ADAMTSL1: variants seen among roughly 807,000 people sequenced by gnomAD.
The protein encoded by ADAMTSL1 is ADAMTS-like protein 1.
Under a neutral mutation model 201.8 loss-of-function variants are expected in ADAMTSL1, and 126 were observed. The observed-to-expected ratio is 0.62, with a 90% CI of 0.54 to 0.72. ADAMTSL1 has a LOEUF of 0.72. Ranked by LOEUF, ADAMTSL1 falls within the 30% of genes least tolerant of loss-of-function variation. ADAMTSL1 has a pLI of 0.00. For missense variants in ADAMTSL1, 2,679 were observed against 2,277.8 expected, an observed-to-expected ratio of 1.18 and a Z score of -3.59; for synonymous variants, 1,121 against 903.4, an observed-to-expected ratio of 1.24 and a Z score of -4.32.
chr9:18,713,374 A>G (rs890432347), intron 14 of ADAMTSL1, among the ~76,000 whole-genome samples: 27 of 152,236 alleles, frequency 1.8e-4, no homozygotes, highest in South Asian at 4.1e-4. Flanking sequence ...GCAGAGACAC[A>G]CATAGGCTCA....
chr9:18,758,993 A>T (rs1271339526), intron 16 of ADAMTSL1, among the ~76,000 whole-genome samples: 1 of 152,220 alleles, frequency 6.6e-6, no homozygotes, highest in African/African-American at 2.4e-5. Context: ...AAATTGAAAC[A>T]AGGAATTAAA....
chr9:18,833,508 G>C (rs753845874), intron 23 of ADAMTSL1, among the ~76,000 whole-genome samples: 3 of 152,204 alleles, frequency 2.0e-5, no homozygotes, highest in Admixed American at 6.5e-5. Flanking sequence ...ATCTTCTTTT[G>C]AAAAGCGTAT....
intron 26 of ADAMTSL1, among the ~76,000 whole-genome samples, chr9:18,898,377 A>C (rs1272236608): frequency 6.6e-6 from 1 of 152,244 alleles, no homozygotes; most frequent in African/African-American, 2.4e-5. Flanking sequence ...ATGCAATCAC[A>C]AGTATCAATA....
intron 2 of ADAMTSL1, among the ~76,000 whole-genome samples, chr9:18,206,549 C>T (rs1829655878): frequency 6.6e-6 from 1 of 152,094 alleles, no homozygotes; most frequent in African/African-American, 2.4e-5. Flanking sequence ...GTGTCCCTCT[C>T]ATCTTCACAC....
intron 2 of ADAMTSL1, among the ~76,000 whole-genome samples, chr9:18,260,897 T>A (rs1349108067): frequency 6.6e-6 from 1 of 152,128 alleles, no homozygotes; most frequent in Non-Finnish European, 1.5e-5. Flanking sequence ...GTTAAAACAC[T>A]CTTCTTTTTT....
chr9:18,771,358 T>C (rs1489714390), intron 17 of ADAMTSL1, among the ~76,000 whole-genome samples: 1 of 152,232 alleles, frequency 6.6e-6, no homozygotes, highest in East Asian at 1.9e-4. Context: ...AGTGATTGCT[T>C]CAGCATTCAC....
chr9:18,741,488 A>G (rs1221356381), intron 15 of ADAMTSL1, among the ~76,000 whole-genome samples: 1 of 152,252 alleles, frequency 6.6e-6, no homozygotes, highest in Non-Finnish European at 1.5e-5. Flanking sequence ...TCATGAATAT[A>G]AATGTCCAGA....
At chr9:18,585,344 A>G (rs1055987268) in intron 4 of ADAMTSL1, among the ~76,000 whole-genome samples, 2 of 152,198 alleles carry the variant, frequency 1.3e-5, no homozygotes, top group African/African-American at 4.8e-5. Context: ...TGTTTTCCCA[A>G]AGAGATTCAG....
Position 18,753,322 on chromosome 9 carries a change from A to C in ADAMTSL1, c.2031A>C (p.Pro677=). The stretch of plus-strand genomic sequence containing the variant: ...GGTGGGAAATTGGCAAGTGGAGTCC[A>C]TGTAGTCTCACATGTGGGGTCGGCC... ...PARWEIGKWS[P]CSLTCGVGLQ... Residue 677 remains proline, a synonymous_variant, in exon 16 of 29, where the codon CCA becomes CCC. Coordinates refer to ENST00000380548, the MANE Select transcript of ADAMTSL1 (RefSeq NM_001040272.6). The C allele has an allele frequency of 1.2e-6, 2 of 1,612,120 alleles. No individual in the cohort carries two copies. The highest frequency in any genetic ancestry group is 1.7e-6 in the Non-Finnish European group (2 of 1,179,236).
chr9:18,908,346 G>C, intron 28 of ADAMTSL1, 96 bp from the exon 29 acceptor site: 1 of 1,076,474 alleles, frequency 9.3e-7, no homozygotes, highest in Non-Finnish European at 1.4e-6. Context: ...CCCAGTGGCT[G>C]AAACCCCCGG....
intron 1 of ADAMTSL1, among the ~76,000 whole-genome samples, chr9:18,496,482 C>T (rs756608647): frequency 3.5e-4 from 54 of 152,316 alleles, no homozygotes; most frequent in Non-Finnish European, 7.1e-4. Flanking sequence ...AACTATTACA[C>T]CACATTTTTT....
At chr9:18,530,701 C>T (rs528005857) in intron 2 of ADAMTSL1, among the ~76,000 whole-genome samples, 1 of 152,288 alleles carries the variant, frequency 6.6e-6, no homozygotes, top group Non-Finnish European at 1.5e-5. Context: ...CTAACATCTA[C>T]ATAATGCTTA....
At chr9:18,092,402 A>G (rs1824065762) in intron 1 of ADAMTSL1, among the ~76,000 whole-genome samples, 1 of 152,234 alleles carries the variant, frequency 6.6e-6, no homozygotes, top group Non-Finnish European at 1.5e-5. Flanking sequence ...AAATGATTTC[A>G]GCAATATAGT....
At chr9:18,411,344 A>G (rs1245109695) in intron 2 of ADAMTSL1, among the ~76,000 whole-genome samples, 3 of 151,384 alleles carry the variant, frequency 2.0e-5, no homozygotes, top group Admixed American at 6.6e-5. Flanking sequence ...TGGGACTACA[A>G]ACGTGCCACC....
At chr9:18,596,804 A>G (rs191400844) in intron 4 of ADAMTSL1, among the ~76,000 whole-genome samples, 45 of 152,316 alleles carry the variant, frequency 3.0e-4, no homozygotes, top group African/African-American at 1.1e-3. Context: ...ACAGGATGCA[A>G]TGGGAACATA....
intron 1 of ADAMTSL1, among the ~76,000 whole-genome samples, chr9:17,940,216 G>A (rs956689415): frequency 1.3e-5 from 2 of 152,106 alleles, no homozygotes; most frequent in African/African-American, 4.8e-5. Flanking sequence ...ATAATGAAAT[G>A]ATATAATTTG....
At chr9:18,852,332 G>A (rs191526794) in intron 23 of ADAMTSL1, among the ~76,000 whole-genome samples, 1 of 152,310 alleles carries the variant, frequency 6.6e-6, no homozygotes, top group Admixed American at 6.5e-5. Flanking sequence ...TATATGTAAA[G>A]CACTTAGAAT....
At chr9:18,900,314 T>G (rs1181220283) in intron 26 of ADAMTSL1, among the ~76,000 whole-genome samples, 4 of 152,174 alleles carry the variant, frequency 2.6e-5, no homozygotes, top group African/African-American at 4.8e-5. Flanking sequence ...AAGGAACACT[T>G]TCACACTGTT....
At chr9:18,065,583 C>G (rs778878932) in intron 1 of ADAMTSL1, among the ~76,000 whole-genome samples, 2 of 152,116 alleles carry the variant, frequency 1.3e-5, no homozygotes, top group Non-Finnish European at 2.9e-5. Flanking sequence ...AAAATAAACA[C>G]AGGGGTAATA....
Sources: allele counts gnomAD v4.1 joint callset (sites outside exome capture counted in the v4.1 genomes callset), GRCh38; gene constraint gnomAD v4.1.1; transcripts MANE v1.5; gene names NCBI Gene and HGNC (gene_info 2026-07-23, HGNC 2026-07-21).